The following CPEB3 variants were observed in gnomAD, a reference collection of about 807,000 sequenced individuals.
CPEB3 encodes cytoplasmic polyadenylation element-binding protein 3.
A neutral mutation model predicts 67.2 loss-of-function variants in CPEB3; 20 were observed. The observed-to-expected ratio is 0.30, with a 90% CI of 0.21 to 0.43. The LOEUF (loss-of-function observed/expected upper bound fraction) is 0.43. Ranked by LOEUF, CPEB3 falls within the 20% of genes least tolerant of loss-of-function variation. The pLI is 1.00. For missense variants in CPEB3, 746 were observed against 968.6 expected, an observed-to-expected ratio of 0.77 and a Z score of 3.05; for synonymous variants, 376 against 393.1, an observed-to-expected ratio of 0.96 and a Z score of 0.51.
chr10:92,202,002 T>C (rs1274761739), intron 2 of CPEB3, among the ~76,000 whole-genome samples: 3 of 152,176 alleles, frequency 2.0e-5, no homozygotes, highest in Non-Finnish European at 4.4e-5. Context: ...TTACCTCACA[T>C]TTAAATTGTT....
intron 3 of CPEB3, among the ~76,000 whole-genome samples, chr10:92,190,665 CAAAAAAAAAAAAAAAAAAAA>C (rs780757034): frequency 2.7e-4 from 21 of 78,394 alleles, no homozygotes; most frequent in East Asian, 4.4e-4. Flanking sequence ...AACTCCATCT[CAAAAAAAAAAAAAAAAAAAA>C]AAAAAAAAAA....
intron 2 of CPEB3, among the ~76,000 whole-genome samples, chr10:92,233,302 G>A (rs955013978): frequency 9.2e-5 from 14 of 152,080 alleles, no homozygotes; most frequent in Non-Finnish European, 1.3e-4. Flanking sequence ...GCCCAGGCTG[G>A]CAGAGAACTC....
intron 2 of CPEB3, among the ~76,000 whole-genome samples, chr10:92,210,819 C>T (rs1850044333): frequency 6.6e-6 from 1 of 151,462 alleles, no homozygotes; most frequent in Admixed American, 6.6e-5. Flanking sequence ...GGGCGGATTA[C>T]TTGAGGTCAG....
At chr10:92,074,200 C>G (rs7921362) in intron 9 of CPEB3, among the ~76,000 whole-genome samples, 5,525 of 152,214 alleles carry the variant, frequency 0.036, 326 homozygotes, top group African/African-American at 0.13. Context: ...CCCAGCTCAG[C>G]CTTCCAAAGT....
At chr10:92,114,862 C>A (rs888294250) in intron 6 of CPEB3, among the ~76,000 whole-genome samples, 2 of 152,208 alleles carry the variant, frequency 1.3e-5, no homozygotes, top group African/African-American at 2.4e-5. Flanking sequence ...AAAGGTGTTT[C>A]ATAAACTAGG....
At chr10:92,084,144 G>T (rs937322660) in intron 8 of CPEB3, among the ~76,000 whole-genome samples, 1 of 124,112 alleles carries the variant, frequency 8.1e-6, no homozygotes, top group African/African-American at 3.3e-5. Flanking sequence ...CAGCACAGGC[G>T]AAAGAGCAAG....
chr10:92,257,800 G>A (rs1279308973), intron 1 of CPEB3, among the ~76,000 whole-genome samples: 2 of 143,566 alleles, frequency 1.4e-5, no homozygotes, highest in Non-Finnish European at 3.0e-5. Flanking sequence ...CACAATCTCA[G>A]CTCACTGCAA....
In CPEB3 at chr10:92,240,389, T is replaced by G. The variant is rs1424996506; in HGVS notation, c.-11-28A>C. 25 of 1,437,580 alleles carry G rather than the reference T, an allele frequency of 1.7e-5. No homozygotes were observed. The East Asian group carries it at 6.0e-4, about 34-fold the overall frequency. The allele number at this position is 1,437,580 out of a possible 1,614,324, so 89.1% of individuals were successfully genotyped here. A position where few individuals can be genotyped will look rare whatever the true frequency, so the allele number is the denominator to read the frequency against. ...GAAACGGGAAAAAAGAGAGACGCGT[T>G]ATTGTCAATGTGATCATGAATGTCC... On this transcript the variant is annotated intron_variant, in intron 1 of 9. Coordinates refer to ENST00000265997, the MANE Select transcript of CPEB3 (RefSeq NM_014912.5).
At chr10:92,071,309 C>T (rs1842744046) in intron 9 of CPEB3, among the ~76,000 whole-genome samples, 1 of 152,140 alleles carries the variant, frequency 6.6e-6, no homozygotes, top group African/African-American at 2.4e-5. Flanking sequence ...CCAAGCTGAG[C>T]TAGACAATGG....
intron 4 of CPEB3, among the ~76,000 whole-genome samples, chr10:92,154,511 T>C (rs1847114080): frequency 6.6e-6 from 1 of 152,296 alleles, no homozygotes; most frequent in African/African-American, 2.4e-5. Flanking sequence ...GTTCAAGTTA[T>C]CCCCTGCTTT....
intron 3 of CPEB3, among the ~76,000 whole-genome samples, chr10:92,184,896 A>T (rs1331067023): frequency 6.6e-6 from 1 of 152,182 alleles, no homozygotes; most frequent in African/African-American, 2.4e-5. Context: ...CACGTTAGGG[A>T]GTGTATATGT....
At position 92,229,050 on chromosome 10, in the gene CPEB3, G is replaced by T. The variant is rs573475569; in HGVS notation, c.1005+10296C>A. ...ATATTTTAATTTTTTTAGAGACAGG[G>T]TCTCACTCTGTCACCTAGGCTGGAA... On this transcript the variant is annotated intron_variant, in intron 2 of 9. Coordinates refer to ENST00000265997, the MANE Select transcript of CPEB3 (RefSeq NM_014912.5). 4.6e-5 allele frequency among the ~76,000 whole-genome samples: 7 copies of T among 151,572 alleles called. No individual in the cohort carries two copies. The South Asian group carries it at 6.3e-4, about 14-fold the overall frequency.
intron 2 of CPEB3, among the ~76,000 whole-genome samples, chr10:92,203,089 G>A (rs997240094): frequency 1.8e-4 from 27 of 151,030 alleles, no homozygotes; most frequent in Admixed American, 5.9e-4. Flanking sequence ...TTACAGGCAC[G>A]TGCCACAAAG....
chr10:92,203,470 G>GTA (rs199643816), intron 2 of CPEB3, among the ~76,000 whole-genome samples: 1,529 of 144,564 alleles, frequency 0.011, 11 homozygotes, highest in Non-Finnish European at 0.016. Flanking sequence ...ATGTATATGT[G>GTA]TATATATATG....
At chr10:92,270,255 T>C (rs1324550354) in intron 1 of CPEB3, among the ~76,000 whole-genome samples, 3 of 152,224 alleles carry the variant, frequency 2.0e-5, no homozygotes, top group African/African-American at 7.2e-5. Context: ...TATGAAAAAG[T>C]AGCAGACATA....
chr10:92,053,792 C>A (rs187978039), intron 9 of CPEB3, among the ~76,000 whole-genome samples: 1 of 152,152 alleles, frequency 6.6e-6, no homozygotes, highest in Non-Finnish European at 1.5e-5. Context: ...CCACCCGCCT[C>A]GGCCTCCCAA....
chr10:92,258,596 C>A (rs1852625803), intron 1 of CPEB3, among the ~76,000 whole-genome samples: 1 of 128,388 alleles, frequency 7.8e-6, no homozygotes, highest in African/African-American at 3.1e-5. Flanking sequence ...CATCTATGTT[C>A]AGTTTCCAGA....
chr10:92,090,622 T>A (rs1843574624), intron 8 of CPEB3, among the ~76,000 whole-genome samples: 1 of 152,236 alleles, frequency 6.6e-6, no homozygotes, highest in Admixed American at 6.5e-5. Context: ...GCAATGATTG[T>A]CCATTTGTAA....
At chr10:92,219,805 C>T (rs1366596387) in intron 2 of CPEB3, among the ~76,000 whole-genome samples, 1 of 152,102 alleles carries the variant, frequency 6.6e-6, no homozygotes, top group African/African-American at 2.4e-5. Flanking sequence ...AATTTTATTA[C>T]CTTCTGATGA....
Sources: allele counts gnomAD v4.1 joint callset (sites outside exome capture counted in the v4.1 genomes callset), GRCh38; gene constraint gnomAD v4.1.1; transcripts MANE v1.5; gene names NCBI Gene and HGNC (gene_info 2026-07-23, HGNC 2026-07-21).